The following DNAJC13 variants were observed in gnomAD, a reference collection of about 807,000 sequenced individuals.
The protein encoded by DNAJC13 is dnaJ homolog subfamily C member 13.
Under a neutral mutation model 290.5 loss-of-function variants are expected in DNAJC13, and 75 were observed. The observed-to-expected ratio is 0.26, with a 90% CI of 0.21 to 0.31. DNAJC13 has a LOEUF of 0.31. Among genes scored for constraint, DNAJC13 ranks in the 10% least tolerant of loss-of-function variants. The pLI, the probability that DNAJC13 is intolerant of heterozygous loss-of-function variation, is 1.00. For synonymous variants in DNAJC13, 862 were observed against 892.0 expected, an observed-to-expected ratio of 0.97 and a Z score of 0.60; for missense variants, 2,260 against 2,674.5, an observed-to-expected ratio of 0.85 and a Z score of 3.42.
At chr3:132,482,903 C>CTATA (rs1342337723) in intron 27 of DNAJC13, among the ~76,000 whole-genome samples, 3 of 151,836 alleles carry the variant, frequency 2.0e-5, no homozygotes, top group African/African-American at 7.3e-5. Context: ...TTACGTCAAA[C>CTATA]TATAATGTTT....
intron 31 of DNAJC13, among the ~76,000 whole-genome samples, chr3:132,489,726 T>C (rs560620937): frequency 2.0e-5 from 3 of 152,168 alleles, no homozygotes; most frequent in East Asian, 1.9e-4. Context: ...CACTAAATTA[T>C]ATGTTTTATA....
intron 55 of DNAJC13, among the ~76,000 whole-genome samples, chr3:132,534,513 C>T (rs1306600095): frequency 2.6e-5 from 4 of 152,092 alleles, no homozygotes; most frequent in Admixed American, 2.6e-4. Context: ...AAAAATTTAG[C>T]CAGGCATGTT....
intron 48 of DNAJC13, among the ~76,000 whole-genome samples, chr3:132,517,413 C>G (rs1935951365): frequency 6.6e-6 from 1 of 152,154 alleles, no homozygotes; most frequent in South Asian, 2.1e-4. Context: ...GTATCAATGT[C>G]CCTTTATTTT....
At chr3:132,458,650 A>T (rs1054899547) in intron 13 of DNAJC13, among the ~76,000 whole-genome samples, 7 of 152,132 alleles carry the variant, frequency 4.6e-5, no homozygotes, top group African/African-American at 1.7e-4. Context: ...TATATTTTTT[A>T]ATATTTCATG....
intron 43 of DNAJC13, among the ~76,000 whole-genome samples, chr3:132,507,769 C>T (rs1406698283): frequency 6.6e-6 from 1 of 152,152 alleles, no homozygotes; most frequent in Non-Finnish European, 1.5e-5. Flanking sequence ...CTCCTCTGGC[C>T]TCCCTATTCC....
At chr3:132,499,593 A>G (rs1935346249) in intron 37 of DNAJC13, 141 bp from the exon 38 acceptor site, 2 of 769,464 alleles carry the variant, frequency 2.6e-6, no homozygotes, top group Admixed American at 2.6e-5. Flanking sequence ...TTTGTTTACT[A>G]TTTATTAACA....
chr3:132,530,940 T>C (rs1442915127), intron 54 of DNAJC13, 58 bp from the exon 55 acceptor site: 6 of 1,501,942 alleles, frequency 4.0e-6, no homozygotes, highest in Non-Finnish European at 5.5e-6. Flanking sequence ...TTTTTCTTTT[T>C]GTCTTCCAAC....
intron 20 of DNAJC13, 80 bp downstream of exon 20, chr3:132,467,393 G>A: frequency 7.0e-7 from 1 of 1,421,840 alleles, no homozygotes; most frequent in Non-Finnish European, 9.6e-7. Context: ...TCACAGAGAT[G>A]GTATCGATAC....
At chr3:132,421,459 A>AT (rs1027898486) in intron 1 of DNAJC13, among the ~76,000 whole-genome samples, 8 of 152,040 alleles carry the variant, frequency 5.3e-5, no homozygotes, top group East Asian at 3.9e-4. Flanking sequence ...TCATTTTGAG[A>AT]TTTTTTTTGT....
chr3:132,484,173 A>G (rs999397709), intron 28 of DNAJC13, among the ~76,000 whole-genome samples: 3 of 152,374 alleles, frequency 2.0e-5, no homozygotes, highest in Admixed American at 6.5e-5. Flanking sequence ...TTATACAGTT[A>G]GTATTTAGAA....
At chr3:132,488,602 G>T in intron 30 of DNAJC13, 150 bp downstream of exon 30, 2 of 757,696 alleles carry the variant, frequency 2.6e-6, no homozygotes, top group Non-Finnish European at 4.0e-6. Flanking sequence ...TTGGAAAGCA[G>T]AAGAATGGGG....
chr3:132,509,261 A>G (rs1453768396), intron 43 of DNAJC13, among the ~76,000 whole-genome samples: 2 of 152,232 alleles, frequency 1.3e-5, no homozygotes, highest in African/African-American at 4.8e-5. Flanking sequence ...GCTCTCATGG[A>G]TGACTTTGAG....
At chr3:132,514,440 A>T in intron 45 of DNAJC13, 131 bp from the exon 46 acceptor site, 1 of 598,040 alleles carries the variant, frequency 1.7e-6, no homozygotes, top group Non-Finnish European at 2.8e-6. Flanking sequence ...TTTTAAAATT[A>T]AACTCTTATC....
At chr3:132,467,690 C>T (rs1218435832) in intron 20 of DNAJC13, among the ~76,000 whole-genome samples, 1 of 152,142 alleles carries the variant, frequency 6.6e-6, no homozygotes, top group Non-Finnish European at 1.5e-5. Flanking sequence ...TGGTCTCAAT[C>T]TCCTGACCTC....
rs142535056 is a variant in DNAJC13 at position 132,435,997 on chromosome 3, G to A, written c.68+1379G>A. ...GTACAACTGTTTGTGTGCTCTTAGC[G>A]TAATTCTTTTAGGCCTTGAGACTTG... On this transcript the variant is annotated intron_variant, in intron 2 of 55. Coordinates refer to ENST00000260818, the MANE Select transcript of DNAJC13 (RefSeq NM_015268.4). 5.9e-4 allele frequency among the ~76,000 whole-genome samples: 90 copies of A among 152,152 alleles called. 1 individual carries two copies. The highest frequency in any genetic ancestry group is 5.8e-4 in the East Asian group (3 of 5,180).
chr3:132,467,279 A>G lies in DNAJC13; in HGVS notation c.2174A>G (p.His725Arg). The change falls in exon 20 of 56, where the codon CAC becomes CGC. Residue 725 changes from histidine (H) to arginine (R), a missense_variant. Physicochemically the swap from His to Arg is conservative, Grantham distance 29. Transcript: ENST00000260818. ...GAAAAAGTGGATCTTGTATTGATGC[A>G]CTGGAGGGATAGGATGGGCATTGCT... ...AKEKVDLVLM[H>R]WRDRMGIAQK... 6.2e-7 allele frequency: 1 copy of G among 1,613,960 alleles called. No homozygotes were observed. Among genetic ancestry groups the G allele is most frequent in the Non-Finnish European group, 8.5e-7 (1 of 1,179,934 alleles).
At chr3:132,536,297 G>A (rs998087306) in intron 55 of DNAJC13, among the ~76,000 whole-genome samples, 3 of 152,166 alleles carry the variant, frequency 2.0e-5, no homozygotes, top group African/African-American at 7.2e-5. Flanking sequence ...AGGCTGGGGT[G>A]GGAAGATCAC....
chr3:132,456,465 C>G, intron 10 of DNAJC13, 36 bp from the exon 11 acceptor site: 1 of 1,608,494 alleles, frequency 6.2e-7, no homozygotes, highest in Non-Finnish European at 8.5e-7. Flanking sequence ...ATTAGGAATT[C>G]GTATCTTCTT....
intron 26 of DNAJC13, 103 bp from the exon 27 acceptor site, chr3:132,482,123 G>T (rs1018668218): frequency 1.3e-6 from 1 of 795,132 alleles, no homozygotes; most frequent in Non-Finnish European, 1.9e-6. Flanking sequence ...ACTTTTAAAG[G>T]GATATAAACC....
Sources: allele counts gnomAD v4.1 joint callset (sites outside exome capture counted in the v4.1 genomes callset), GRCh38; gene constraint gnomAD v4.1.1; transcripts MANE v1.5; gene names NCBI Gene and HGNC (gene_info 2026-07-23, HGNC 2026-07-21).